The following OR3A2 variants were observed in gnomAD, a reference collection of about 807,000 sequenced individuals.
OR3A2 encodes the protein olfactory receptor family 3 subfamily A member 2, also known as olfactory receptor 3A2.
For missense variants in OR3A2, 318 were observed against 392.8 expected, an observed-to-expected ratio of 0.81 and a Z score of 1.61; for synonymous variants, 126 against 159.3, an observed-to-expected ratio of 0.79 and a Z score of 1.57.
intron 3 of OR3A2, chr17:3,291,895 G>GC (rs1342010410): frequency 6.2e-7 from 1 of 1,614,078 alleles, no homozygotes; most frequent in African/African-American, 1.3e-5. Context: ...GAGCGAATTC[G>GC]CAGGACTGCA....
intron 2 of OR3A2, among the ~76,000 whole-genome samples, chr17:3,358,981 A>ATT: frequency 6.6e-6 from 1 of 151,858 alleles, no homozygotes; most frequent in South Asian, 2.1e-4. Flanking sequence ...GTGCATATAT[A>ATT]TTTAGGATAT....
At chr17:3,363,916 T>C (rs1038785229) in intron 2 of OR3A2, among the ~76,000 whole-genome samples, 1 of 152,034 alleles carries the variant, frequency 6.6e-6, no homozygotes, top group African/African-American at 2.4e-5. Flanking sequence ...TTTTAAACCA[T>C]CAGATCTCAT....
intron 2 of OR3A2, among the ~76,000 whole-genome samples, chr17:3,367,305 C>A (rs2049572454): frequency 6.6e-6 from 1 of 152,072 alleles, no homozygotes; most frequent in East Asian, 1.9e-4. Flanking sequence ...TTTTGGTCCA[C>A]CCATCACCAA....
At chr17:3,332,099 G>A (rs1439728875) in intron 3 of OR3A2, among the ~76,000 whole-genome samples, 1 of 152,138 alleles carries the variant, frequency 6.6e-6, no homozygotes, top group Non-Finnish European at 1.5e-5. Flanking sequence ...TGTGCTGGGA[G>A]AACCACAGCT....
chr17:3,332,987 C>A (rs1180484541), intron 3 of OR3A2, among the ~76,000 whole-genome samples: 2 of 152,136 alleles, frequency 1.3e-5, no homozygotes, highest in Non-Finnish European at 2.9e-5. Context: ...CAAGGGAAGA[C>A]AACCATAAGA....
intron 2 of OR3A2, among the ~76,000 whole-genome samples, chr17:3,380,612 A>C (rs1252420318): frequency 6.6e-6 from 1 of 152,220 alleles, no homozygotes; most frequent in Admixed American, 6.5e-5. Flanking sequence ...TATTGAAGAC[A>C]AATGAGTAAG....
Position 3,362,416 on chromosome 17 carries a change from C to A in OR3A2, c.-179+21388G>T, listed in dbSNP as rs146628126. The stretch of plus-strand genomic sequence containing the variant: ...GAAGGGTTTTTTGTGTCTCTATCTC[C>A]TTCTGTTCTGCTCTGATCTTAGTTA... On this transcript the variant is annotated intron_variant, in intron 2 of 4. Coordinates refer to the OR3A2 transcript ENST00000573491. Among the ~76,000 whole-genome samples the A allele has an allele frequency of 2.6e-3, 398 of 151,738 alleles. 18 individuals carry two copies. Among genetic ancestry groups the A allele is most frequent in the Middle Eastern group, 0.017 (5 of 294 alleles).
chr17:3,291,605 C>G lies in OR3A2; in HGVS notation c.-84-12452G>C, dbSNP rs779097994. ...AGAAGACTTTTCCTTTAGTACAAGA[C>G]ACAGGGAGAAAGGGTCAATTGAGAC... On this transcript the variant is annotated intron_variant, in intron 3 of 4. Transcript: ENST00000573491. The G allele has an allele frequency of 1.6e-5, 25 of 1,528,024 alleles. 1 individual carries two copies. Among genetic ancestry groups the G allele is most frequent in the Middle Eastern group, 1.8e-4 (1 of 5,692 alleles). 94.7% of individuals were successfully genotyped at this position (1,528,024 alleles called of 1,614,324 possible). A position where few individuals can be genotyped will look rare whatever the true frequency, so the allele number is the denominator to read the frequency against.
chr17:3,346,453 C>G (rs1447486964), intron 2 of OR3A2, among the ~76,000 whole-genome samples: 2 of 152,172 alleles, frequency 1.3e-5, no homozygotes, highest in African/African-American at 2.4e-5. Flanking sequence ...GTAATGGGAA[C>G]AGCAGTAGCA....
chr17:3,323,069 A>C (rs1178097803), intron 3 of OR3A2, among the ~76,000 whole-genome samples: 3 of 152,122 alleles, frequency 2.0e-5, no homozygotes, highest in Non-Finnish European at 2.9e-5. Flanking sequence ...TTGGGTGCAT[A>C]TATATTTAGG....
intron 3 of OR3A2, among the ~76,000 whole-genome samples, chr17:3,299,344 A>G (rs1340093533): frequency 1.3e-5 from 2 of 152,232 alleles, no homozygotes; most frequent in Non-Finnish European, 2.9e-5. Flanking sequence ...ATGAGTCCTC[A>G]GGAATGCAGT....
intron 2 of OR3A2, 97 bp from the exon 2 acceptor site, chr17:3,336,223 G>C (rs191837107): frequency 6.6e-5 from 10 of 152,220 alleles, no homozygotes; most frequent in Admixed American, 2.6e-4. Flanking sequence ...TTCTAAAACT[G>C]AACAACTCAC....
chr17:3,351,714 C>T (rs1290836279), intron 2 of OR3A2, among the ~76,000 whole-genome samples: 16 of 150,414 alleles, frequency 1.1e-4, no homozygotes, highest in East Asian at 3.9e-4. Context: ...AAAAAGAGCC[C>T]GCATCACCAA....
exon 2 of OR3A2, chr17:3,278,511 C>T (rs1468802945): frequency 1.7e-5 from 28 of 1,613,832 alleles, no homozygotes; most frequent in Middle Eastern, 3.3e-4. Context: ...CATGCGGGTG[C>T]TGTAGGTGAG....
chr17:3,359,387 G>C (rs2049490530), intron 2 of OR3A2, among the ~76,000 whole-genome samples: 1 of 151,670 alleles, frequency 6.6e-6, no homozygotes, highest in Admixed American at 6.6e-5. Context: ...GTGTGTTTAA[G>C]TATGTTTTTG....
intron 2 of OR3A2, among the ~76,000 whole-genome samples, chr17:3,337,357 G>A (rs2150645471): frequency 6.6e-6 from 1 of 152,238 alleles, no homozygotes; most frequent in Non-Finnish European, 1.5e-5. Flanking sequence ...CATGTGCCAT[G>A]TTGGTTTGCT....
chr17:3,336,257 T>A (rs1286546919), intron 2 of OR3A2, 131 bp from the exon 2 acceptor site: 2 of 152,224 alleles, frequency 1.3e-5, no homozygotes, highest in East Asian at 3.8e-4. Context: ...TCAGTGATGA[T>A]AATTCATTTT....
At chr17:3,297,694 C>T (rs2048930932) in intron 3 of OR3A2, among the ~76,000 whole-genome samples, 1 of 147,772 alleles carries the variant, frequency 6.8e-6, no homozygotes, top group South Asian at 2.1e-4. Flanking sequence ...ATTCTTAATG[C>T]CTTGTGTCAC....
intron 2 of OR3A2, among the ~76,000 whole-genome samples, chr17:3,375,138 C>CCT (rs1491244680): frequency 5.2e-4 from 19 of 36,308 alleles, no homozygotes; most frequent in Non-Finnish European, 8.4e-4. Flanking sequence ...GAGCCTTCTT[C>CCT]CTTTTTTTTT....
Sources: gnomAD v4.1 joint callset for allele counts (sites outside exome capture counted in the v4.1 genomes callset) on GRCh38, gnomAD v4.1.1 for gene constraint, MANE v1.5 for transcripts, NCBI Gene and HGNC (gene_info 2026-07-23, HGNC 2026-07-21) for gene names.